DOCK10: variants seen among roughly 807,000 people sequenced by gnomAD.
DOCK10 encodes the protein dedicator of cytokinesis protein 10.
DOCK10 carries 145 observed loss-of-function variants against 280.1 expected under a neutral mutation model. The ratio of observed to expected loss-of-function variants is 0.52; its 90% CI spans 0.45 to 0.59. The LOEUF is 0.59. Among genes scored for constraint, DOCK10 ranks in the 20% least tolerant of loss-of-function variants. The probability of loss-of-function intolerance (pLI) is 0.00; values close to 1 mark genes in which losing one functional copy is unlikely to be tolerated. For missense variants in DOCK10, 2,368 were observed against 2,651.7 expected (o/e 0.89, Z 2.35); for synonymous variants, 915 against 942.2 (o/e 0.97, Z 0.53).
At chr2:224,868,617 G>A (rs549393654) in intron 11 of DOCK10, among the ~76,000 whole-genome samples, 18 of 152,230 alleles carry the variant, frequency 1.2e-4, no homozygotes, top group African/African-American at 3.9e-4. Flanking sequence ...AATGTGACTA[G>A]TTTATACGGG....
rs375029017 is a variant in DOCK10 at position 224,931,522 on chromosome 2, T to C, written c.243+27A>G. The C allele has an allele frequency of 4.4e-6, 7 of 1,583,528 alleles. No individual in the cohort carries two copies. The African/African-American group carries it at 9.4e-5, about 21-fold the overall frequency. ...CCAATGTGTAGGGCCCTCCTGAATC[T>C]AAATGGCTTGAGAAGAGAAGACTTA... On this transcript the variant is annotated intron_variant, in intron 2 of 55. Coordinates refer to ENST00000258390, the MANE Select transcript of DOCK10 (RefSeq NM_014689.3).
At chr2:224,917,277 TG>T (rs557292227) in intron 2 of DOCK10, among the ~76,000 whole-genome samples, 50 of 152,078 alleles carry the variant, frequency 3.3e-4, no homozygotes, top group African/African-American at 1.1e-3. Flanking sequence ...AGCTAATTTT[TG>T]TATTTTTTAG....
In DOCK10 at chr2:224,919,021, A is replaced by C. The variant is rs1308465519; in HGVS notation, c.244-2237T>G. Among the ~76,000 whole-genome samples the C allele has an allele frequency of 2.2e-4, 29 of 130,574 alleles. No individual in the cohort carries two copies. The Admixed American group carries it at 2.4e-3, about 11-fold the overall frequency. The allele number at this position is 130,574 out of a possible 152,430, so 85.7% of individuals were successfully genotyped here. On this transcript the variant is annotated intron_variant, in intron 2 of 55. Coordinates refer to ENST00000258390, the MANE Select transcript of DOCK10 (RefSeq NM_014689.3). ...ATGTGTATGTGTGATGTATATACGC[A>C]CAGGGTGTGTGTGGTGAGTGTATGT...
At chr2:224,812,187 G>C (rs1244007531) in intron 31 of DOCK10, among the ~76,000 whole-genome samples, 1 of 152,130 alleles carries the variant, frequency 6.6e-6, no homozygotes, top group East Asian at 1.9e-4. Context: ...AGTTCTCCTT[G>C]AAGATATCCT....
At chr2:224,793,361 A>T in intron 46 of DOCK10, 39 bp downstream of exon 46, 1 of 1,520,500 alleles carries the variant, frequency 6.6e-7, no homozygotes, top group Non-Finnish European at 9.0e-7. Flanking sequence ...CAATGTGTTG[A>T]TATCTAGGCT....
intron 1 of DOCK10, among the ~76,000 whole-genome samples, chr2:224,958,706 C>G (rs1001935221): frequency 6.6e-6 from 1 of 152,038 alleles, no homozygotes; most frequent in African/African-American, 2.4e-5. Context: ...TTCATGGTTA[C>G]TTTTCTGCCT....
chr2:224,889,328 A>T (rs1699522717), intron 4 of DOCK10, among the ~76,000 whole-genome samples: 1 of 152,238 alleles, frequency 6.6e-6, no homozygotes. Flanking sequence ...TTCAGCAGGG[A>T]AAGTTAGAGC....
intron 13 of DOCK10, among the ~76,000 whole-genome samples, chr2:224,863,739 CT>C (rs1216176101): frequency 6.6e-6 from 1 of 152,242 alleles, no homozygotes; most frequent in Admixed American, 6.5e-5. Context: ...GCGTGAGCCA[CT>C]GCGCCCGGCC....
chr2:224,792,883 G>A (rs1399777647), intron 47 of DOCK10, 91 bp downstream of exon 47: 2 of 985,404 alleles, frequency 2.0e-6, no homozygotes, highest in South Asian at 1.7e-5. Context: ...TTGCTTCTAA[G>A]AATATATTTA....
chr2:224,923,652 G>A (rs562283877), intron 2 of DOCK10, among the ~76,000 whole-genome samples: 58 of 152,320 alleles, frequency 3.8e-4, no homozygotes, highest in Admixed American at 1.8e-3. Context: ...AGCTCTCACC[G>A]GCTCCATCCC....
At position 224,773,325 on chromosome 2, in the gene DOCK10, C is replaced by T; in HGVS notation, c.6036G>A (p.Val2012=). ...ILTTSHLFPY[V]KKRIQVISQS... is the part of the protein sequence containing the mutation. ...GGCTAATTACTTGTATTCTCTTCTTCACGTAGGGGAACAGGTGACTCGCTG... is the reference window on the plus strand; with the variant it reads ...GGCTAATTACTTGTATTCTCTTCTTTACGTAGGGGAACAGGTGACTCGCTG... Residue 2012 remains valine (V), a synonymous_variant, in exon 53 of 56, where the codon GTG becomes GTA. Transcript: ENST00000258390. 5.0e-6 allele frequency: 8 copies of T among 1,612,452 alleles called. No individual in the cohort carries two copies. Among genetic ancestry groups the T allele is most frequent in the Non-Finnish European group, 6.8e-6 (8 of 1,179,260 alleles).
At chr2:225,002,141 T>C (rs1355288719) in intron 1 of DOCK10, among the ~76,000 whole-genome samples, 1 of 152,166 alleles carries the variant, frequency 6.6e-6, no homozygotes, top group African/African-American at 2.4e-5. Context: ...AGTTAGAGTA[T>C]TTCAAATGTG....
At chr2:224,983,615 T>A (rs1705863236) in intron 1 of DOCK10, 3 of 354,048 alleles carry the variant, frequency 8.5e-6, no homozygotes. Context: ...CCAGCCTCAG[T>A]GAGGTTGCTT....
chr2:225,026,324 G>A (rs1168647586), intron 1 of DOCK10, among the ~76,000 whole-genome samples: 2 of 152,228 alleles, frequency 1.3e-5, no homozygotes, highest in African/African-American at 4.8e-5. Flanking sequence ...AAAGCTGTGT[G>A]TTCACAAGAT....
At chr2:224,794,843 A>T (rs1217242057) in intron 45 of DOCK10, 36 bp downstream of exon 45, 1 of 1,603,392 alleles carries the variant, frequency 6.2e-7, no homozygotes, top group East Asian at 2.2e-5. Context: ...AAAGAGGACA[A>T]TACTGATGGT....
chr2:224,899,022 C>T (rs1240290817), intron 3 of DOCK10, among the ~76,000 whole-genome samples: 2 of 152,110 alleles, frequency 1.3e-5, no homozygotes, highest in African/African-American at 4.8e-5. Flanking sequence ...TTTCTCATCC[C>T]CTCTCTCTTC....
intron 1 of DOCK10, among the ~76,000 whole-genome samples, chr2:225,025,799 A>C (rs1689904518): frequency 2.0e-5 from 3 of 152,188 alleles, no homozygotes; most frequent in Non-Finnish European, 4.4e-5. Context: ...ACCCTTTCAA[A>C]ATTGACAAGT....
At chr2:224,890,323 G>T (rs1559674350) in intron 4 of DOCK10, among the ~76,000 whole-genome samples, 1 of 152,224 alleles carries the variant, frequency 6.6e-6, no homozygotes, top group Admixed American at 6.5e-5. Context: ...AAGGAGGAGA[G>T]AAAGCCTTTC....
Position 224,795,081 on chromosome 2 carries a change from G to A in DOCK10, c.4952C>T (p.Pro1651Leu), listed in dbSNP as rs760714214. ...GDKQMKNSNF[P>L]AEVKDLTKRI... is the part of the protein sequence containing the mutation. Reference sequence around the variant, plus strand: ...CTTAGTCAGGTCCTTCACCTCTGCTGGGAAATTGCTGTTCTTTGGAAAAGA... The same window carrying A: ...CTTAGTCAGGTCCTTCACCTCTGCTAGGAAATTGCTGTTCTTTGGAAAAGA... Residue 1651 changes from proline (P) to leucine (L), a missense_variant, in exon 45 of 56, where the codon CCA becomes CTA. By Grantham distance (98) the Pro-to-Leu change is moderately conservative (BLOSUM62 -3). This residue lies in a region of DOCK10 where 1,159 missense variants were observed against 1,400.8 expected (regional missense o/e 0.83). Coordinates refer to ENST00000258390, the MANE Select transcript of DOCK10 (RefSeq NM_014689.3). The A allele has an allele frequency of 6.2e-7, 1 of 1,613,778 alleles. No homozygotes were observed. The highest frequency in any genetic ancestry group is 1.7e-5 in the Admixed American group (1 of 59,996).
Sources: allele counts gnomAD v4.1 joint callset (sites outside exome capture counted in the v4.1 genomes callset), GRCh38; gene constraint gnomAD v4.1.1; regional missense constraint gnomAD v4.1.1; transcripts MANE v1.5; gene names NCBI Gene and HGNC (gene_info 2026-07-23, HGNC 2026-07-21).